CCND3: variants seen among roughly 807,000 people sequenced by gnomAD.
CCND3 encodes G1/S-specific cyclin-D3.
A neutral mutation model predicts 28.7 loss-of-function variants in CCND3; 9 were observed. That is an observed-to-expected ratio of 0.31 (90% confidence interval 0.19 to 0.55). The LOEUF (loss-of-function observed/expected upper bound fraction) is 0.55. CCND3 is among the 20% of genes least tolerant of loss of function. CCND3 has a pLI of 0.93. For synonymous variants in CCND3, 164 were observed against 163.9 expected (o/e 1.00, Z 0.00); for missense variants, 315 against 385.8 (o/e 0.82, Z 1.54).
intron 1 of CCND3, among the ~76,000 whole-genome samples, chr6:41,969,247 C>T (rs1252415769): frequency 1.3e-5 from 2 of 151,660 alleles, no homozygotes; most frequent in Admixed American, 6.6e-5. Context: ...GGCACAGTGG[C>T]TTATGCCTGC....
upstream of CCND3, among the ~76,000 whole-genome samples, chr6:41,945,140 G>A (rs1035043680): frequency 6.6e-6 from 1 of 152,118 alleles, no homozygotes; most frequent in Non-Finnish European, 1.5e-5. Context: ...AGGAGGGGTG[G>A]GAATGGAATG....
intron 1 of CCND3, among the ~76,000 whole-genome samples, chr6:42,044,333 C>T (rs915473011): frequency 7.9e-5 from 12 of 152,098 alleles, no homozygotes; most frequent in Non-Finnish European, 1.5e-4. Flanking sequence ...CTGAAGAACC[C>T]GGCAACACTC....
At chr6:41,958,016 T>TTTTG (rs55718813) in intron 1 of CCND3, among the ~76,000 whole-genome samples, 1 of 149,872 alleles carries the variant, frequency 6.7e-6, no homozygotes, top group Non-Finnish European at 1.5e-5. Flanking sequence ...TTTTTTTTTT[T>TTTTG]GAGACAGAAT....
At position 41,936,816 on chromosome 6, in the gene CCND3, ACTC is replaced by A. The variant is rs1346908738; in HGVS notation, c.575-124_575-122del. 9.9e-7 allele frequency: 1 copy of A among 1,008,268 alleles called. No individual in the cohort carries two copies. Among genetic ancestry groups the A allele is most frequent in the East Asian group, 2.5e-5 (1 of 39,348 alleles). The allele number at this position is 1,008,268 out of a possible 1,614,324, so 62.5% of individuals were successfully genotyped here. On this transcript the variant is annotated intron_variant, in intron 3 of 4. Coordinates refer to ENST00000372991, the MANE Select transcript of CCND3 (RefSeq NM_001760.5). The surrounding 1 kb of genome is among the most constrained non-coding windows in gnomAD (Gnocchi z 4.4). ...AGTAGAGCAGAGGACATGCTGGAAA[ACTC>A]CAGCAGTGGGTGGGGCAAGATATCA...
rs768238448 is a variant in CCND3, at chr6:41,941,613, G to A, written c.37C>T (p.Pro13Ser). The change falls in exon 1 of 5, where the codon CCC (proline) becomes TCC (serine). Residue 13 changes from proline (P) to serine (S), a missense_variant. By Grantham distance (74) the Pro-to-Ser change is moderately conservative. Coordinates refer to ENST00000372991, the MANE Select transcript of CCND3 (RefSeq NM_001760.5). The surrounding 1 kb of genome is among the most constrained non-coding windows in gnomAD (Gnocchi z 6.1). ...LLCCEGTRHA[P>S]RAGPDPRLLG... ...AGCCGCGGGTCCGGCCCGGCCCGGG[G>A]CGCGTGCCGGGTGCCTTCGCAACAC... is the stretch of plus-strand genomic sequence containing the variant. The A allele has an allele frequency of 2.0e-6, 3 of 1,523,336 alleles. No homozygotes were observed. The highest frequency in any genetic ancestry group is 2.8e-5 in the African/African-American group (2 of 71,880). The allele number at this position is 1,523,336 out of a possible 1,614,324, so 94.4% of individuals were successfully genotyped here.
At chr6:41,979,447 TG>T (rs1446908056) in intron 1 of CCND3, among the ~76,000 whole-genome samples, 1 of 146,792 alleles carries the variant, frequency 6.8e-6, no homozygotes, top group African/African-American at 2.5e-5. Flanking sequence ...GGCAGGAGAA[TG>T]GCATGAACCT....
At chr6:41,965,388 C>G (rs1004456185) in intron 1 of CCND3, among the ~76,000 whole-genome samples, 1 of 152,074 alleles carries the variant, frequency 6.6e-6, no homozygotes, top group African/African-American at 2.4e-5. Context: ...ACTTCTAAGA[C>G]CCATAGCCAG....
rs566573651 is a variant in CCND3 at position 41,938,821 on chromosome 6, TC to T, written c.415-1428del. On this transcript the variant is annotated intron_variant, in intron 2 of 4. Transcript: ENST00000372991. This position sits in a 1 kb window ranked among gnomAD's most constrained non-coding sequence, Gnocchi z 4.6. ...GCGATGCTGAGGCAGGACCTTGCCC[TC>T]CTTCCTTGGGCCTCAGCCTCCTCTG... Among the ~76,000 whole-genome samples, 80 of 152,294 alleles carry T rather than the reference TC, an allele frequency of 5.3e-4. No homozygotes were observed. The highest frequency in any genetic ancestry group is 1.8e-3 in the African/African-American group (76 of 41,536).
At chr6:42,035,016 G>A (rs1476734573) in intron 1 of CCND3, among the ~76,000 whole-genome samples, 2 of 152,138 alleles carry the variant, frequency 1.3e-5, no homozygotes, top group Non-Finnish European at 2.9e-5. Flanking sequence ...AGTTAATGAT[G>A]GTAAATGGTA....
At chr6:41,952,119 T>A (rs1208455111) in intron 1 of CCND3, among the ~76,000 whole-genome samples, 3 of 152,142 alleles carry the variant, frequency 2.0e-5, no homozygotes, top group African/African-American at 2.4e-5. Flanking sequence ...GTACCACACC[T>A]GTACTGTGAG....
At chr6:42,033,489 T>TACACAC (rs144583266) in intron 1 of CCND3, among the ~76,000 whole-genome samples, 160 of 149,718 alleles carry the variant, frequency 1.1e-3, no homozygotes, top group East Asian at 3.5e-3. Context: ...TATGCACACA[T>TACACAC]ACACACACAC....
intron 1 of CCND3, among the ~76,000 whole-genome samples, chr6:42,040,683 C>A (rs955675624): frequency 3.3e-5 from 5 of 151,922 alleles, no homozygotes; most frequent in Non-Finnish European, 7.4e-5. Context: ...GAAACCCAGT[C>A]TCTACTGAAA....
chr6:41,979,533 C>CA (rs767526428), intron 1 of CCND3, among the ~76,000 whole-genome samples: 23,289 of 96,590 alleles, frequency 0.24, 2,486 homozygotes, highest in Middle Eastern at 0.33. Flanking sequence ...GACTCCACTT[C>CA]AAAAAAAAAA....
chr6:42,003,519 C>A (rs1763077489), intron 1 of CCND3, among the ~76,000 whole-genome samples: 2 of 94,084 alleles, frequency 2.1e-5, no homozygotes, highest in African/African-American at 5.1e-5. Context: ...GAGTGAGACT[C>A]TGTCTCAAAA....
chr6:42,029,191 A>G (rs1468164056), intron 1 of CCND3, among the ~76,000 whole-genome samples: 1 of 150,376 alleles, frequency 6.6e-6, no homozygotes, highest in Non-Finnish European at 1.5e-5. Context: ...GGGTCTCACT[A>G]TGTTGCCCAG....
At chr6:41,957,115 G>A (rs4623235) in intron 1 of CCND3, among the ~76,000 whole-genome samples, 73,238 of 152,074 alleles carry the variant, frequency 0.48, 17,860 homozygotes, top group Non-Finnish European at 0.52. Flanking sequence ...GGCAGAAGGA[G>A]TTTTCCTAGG....
At chr6:42,002,898 C>T (rs1763055673) in intron 1 of CCND3, among the ~76,000 whole-genome samples, 2 of 151,930 alleles carry the variant, frequency 1.3e-5, no homozygotes, top group Middle Eastern at 3.4e-3. Flanking sequence ...TGGGGTGGCT[C>T]ATGCCTGTAA....
chr6:42,017,626 C>T (rs1763561916), intron 1 of CCND3, among the ~76,000 whole-genome samples: 1 of 152,206 alleles, frequency 6.6e-6, no homozygotes. Flanking sequence ...CCCAATCAGC[C>T]TGTGAGCTTC....
At chr6:42,032,351 T>G (rs1221827151) in intron 1 of CCND3, among the ~76,000 whole-genome samples, 2 of 152,178 alleles carry the variant, frequency 1.3e-5, no homozygotes, top group African/African-American at 4.8e-5. Context: ...CCTCCCAAAC[T>G]TCTAGGGGTT....
Sources: allele counts gnomAD v4.1 joint callset (sites outside exome capture counted in the v4.1 genomes callset), GRCh38; gene constraint gnomAD v4.1.1; non-coding constraint Gnocchi (gnomAD v3.1); transcripts MANE v1.5; gene names NCBI Gene and HGNC (gene_info 2026-07-23, HGNC 2026-07-21).